Variants in LHX4 observed in about 807,000 individuals in gnomAD.
LHX4 encodes the protein LIM homeobox 4, also known as LIM/homeobox protein Lhx4.
In LHX4, 16 loss-of-function variants were observed where a neutral mutation model predicts 39.2. The ratio of observed to expected loss-of-function variants is 0.41; its 90% CI spans 0.28 to 0.62. LHX4 has a LOEUF of 0.62. Among genes scored for constraint, LHX4 ranks in the 20% least tolerant of loss-of-function variants. LHX4 has a pLI of 0.33. For missense variants in LHX4, 439 were observed against 511.9 expected (o/e 0.86, Z 1.37); for synonymous variants, 206 against 198.1 (o/e 1.04, Z -0.33).
At chr1:180,236,558 C>T (rs56028446) in intron 1 of LHX4, among the ~76,000 whole-genome samples, 23,665 of 152,162 alleles carry the variant, frequency 0.16, 2,098 homozygotes, top group Non-Finnish European at 0.2. Context: ...ACTGTTCTTT[C>T]TATTACCTTG....
chr1:180,259,646 G>A (rs1648024508), intron 2 of LHX4, among the ~76,000 whole-genome samples: 1 of 151,680 alleles, frequency 6.6e-6, no homozygotes, highest in Non-Finnish European at 1.5e-5. Context: ...TCAGTCCGGT[G>A]GGCAGGGGCT....
At chr1:180,230,174 C>G (rs373615884), upstream of LHX4, 1 of 374,986 alleles carries the variant, frequency 2.7e-6, no homozygotes, top group African/African-American at 2.1e-5. The surrounding 1 kb of genome is among the most constrained non-coding windows in gnomAD (Gnocchi z 5.8). Flanking sequence ...TCAAAACGCC[C>G]GGGTGACCGC....
chr1:180,258,725 GC>G (rs1014254628), intron 2 of LHX4, among the ~76,000 whole-genome samples: 1 of 152,064 alleles, frequency 6.6e-6, no homozygotes, highest in African/African-American at 2.4e-5. Flanking sequence ...GATCTCTTGA[GC>G]CCAGGAATTC....
intron 3 of LHX4, 44 bp from the exon 4 acceptor site, chr1:180,271,336 C>G (rs368349964): frequency 1.4e-5 from 23 of 1,611,830 alleles, no homozygotes; most frequent in Non-Finnish European, 1.9e-5. Flanking sequence ...GGCGCAGCTG[C>G]TGCAGATAGG....
chr1:180,269,924 A>G (rs1648536358), intron 3 of LHX4: 1 of 152,268 alleles, frequency 6.6e-6, no homozygotes, highest in African/African-American at 2.4e-5. Context: ...GAGTTGGGCC[A>G]CAGTAGTTCC....
chr1:180,266,689 C>T lies in LHX4; in HGVS notation c.451+95C>T, dbSNP rs1018031216. 1.6e-6 allele frequency: 2 copies of T among 1,221,918 alleles called. No individual in the cohort carries two copies. Among genetic ancestry groups the T allele is most frequent in the African/African-American group, 1.5e-5 (1 of 66,802 alleles). 75.7% of individuals were successfully genotyped at this position (1,221,918 alleles called of 1,614,324 possible). A position where few individuals can be genotyped will look rare whatever the true frequency, so the allele number is the denominator to read the frequency against. On this transcript the variant is annotated intron_variant, in intron 3 of 5. Coordinates refer to ENST00000263726, the MANE Select transcript of LHX4 (RefSeq NM_033343.4). The surrounding 1 kb of genome is among the most constrained non-coding windows in gnomAD (Gnocchi z 5.7). ...CCCTTCTCATGGCGTCCCACCTGCC[C>T]ATCCCTCAGAGCCCTACTCATGCAC... is the stretch of plus-strand genomic sequence containing the variant.
intron 2 of LHX4, among the ~76,000 whole-genome samples, chr1:180,265,682 C>T (rs755368341): frequency 1.2e-4 from 19 of 152,140 alleles, no homozygotes; most frequent in Non-Finnish European, 2.6e-4. Flanking sequence ...CTCCTTGTCC[C>T]GAATGCTGTA....
At position 180,264,424 on chromosome 1, in the gene LHX4, G is replaced by A. The variant is rs1180511837; in HGVS notation, c.249-1968G>A. ...ACACACACACACACAGTAGAGGTGG[G>A]TGCCTGCCAGCCTTCCTCTTTGATC... On this transcript the variant is annotated intron_variant, in intron 2 of 5. Coordinates refer to ENST00000263726, the MANE Select transcript of LHX4 (RefSeq NM_033343.4). Among the ~76,000 whole-genome samples the A allele has an allele frequency of 3.5e-5, 4 of 114,976 alleles. No homozygotes were observed. The East Asian group carries it at 8.1e-4, about 23-fold the overall frequency. The allele number at this position is 114,976 out of a possible 152,430, so 75.4% of individuals were successfully genotyped here.
Position 180,271,541 on chromosome 1 carries a change from T to C in LHX4, c.606+7T>C, listed in dbSNP as rs768656562. 6.2e-7 allele frequency: 1 copy of C among 1,613,898 alleles called. No homozygotes were observed. Among genetic ancestry groups the C allele is most frequent in the Non-Finnish European group, 8.5e-7 (1 of 1,179,974 alleles). On this transcript the variant is annotated splice_region_variant and intron_variant, in intron 4 of 5. Transcript: ENST00000263726. ...GGACATGAGGGTCGTACAGGTGAGA[T>C]GCCAGCACTCCTGTGCCCTCCGGGG...
chr1:180,234,207 ATATATATATATAT>A lies in LHX4; in HGVS notation c.76+3603_76+3615del, dbSNP rs1558207224. Among the ~76,000 whole-genome samples, 723 of 64,390 alleles carry A rather than the reference ATATATATATATAT, an allele frequency of 0.011. 9 individuals carry two copies. The highest frequency in any genetic ancestry group is 0.039 in the South Asian group (49 of 1,256). 42.2% of individuals were successfully genotyped at this position (64,390 alleles called of 152,430 possible). ...TATATATATATATATATATATATAT[ATATATATATATAT>A]AATAGATTGAGATTCTATCATATTC... is the stretch of plus-strand genomic sequence containing the variant. On this transcript the variant is annotated intron_variant, in intron 1 of 5. Coordinates refer to ENST00000263726, the MANE Select transcript of LHX4 (RefSeq NM_033343.4). The surrounding 1 kb of genome is among the most constrained non-coding windows in gnomAD (Gnocchi z 4.8).
At chr1:180,265,790 T>G (rs1454936538) in intron 2 of LHX4, among the ~76,000 whole-genome samples, 1 of 152,120 alleles carries the variant, frequency 6.6e-6, no homozygotes, top group African/African-American at 2.4e-5. Flanking sequence ...TTGGAGGGCT[T>G]TGTGTGTGCA....
intron 3 of LHX4, among the ~76,000 whole-genome samples, chr1:180,268,479 C>T (rs1252115100): frequency 1.3e-5 from 2 of 152,196 alleles, no homozygotes; most frequent in African/African-American, 4.8e-5. Flanking sequence ...ATGGAAGATG[C>T]CGGACTTGCT....
intron 2 of LHX4, among the ~76,000 whole-genome samples, chr1:180,260,593 A>C (rs893997501): frequency 1.3e-5 from 2 of 151,840 alleles, no homozygotes; most frequent in Non-Finnish European, 2.9e-5. Flanking sequence ...TCAGCCGAGA[A>C]GTCTCAGCTC....
upstream of LHX4, among the ~76,000 whole-genome samples, chr1:180,228,679 C>T (rs1664082096): frequency 6.6e-6 from 1 of 152,162 alleles, no homozygotes; most frequent in Non-Finnish European, 1.5e-5. Context: ...AGAGATGATG[C>T]CAACCCAGTA....
intron 1 of LHX4, among the ~76,000 whole-genome samples, chr1:180,231,841 G>C (rs753780814): frequency 1.3e-4 from 20 of 152,152 alleles, no homozygotes; most frequent in Non-Finnish European, 2.6e-4. Context: ...GTTTCTGTCC[G>C]GCGATCCTTC....
intron 2 of LHX4, among the ~76,000 whole-genome samples, chr1:180,249,934 GGTGAGTGTTGT>G (rs1647549293): frequency 1.3e-5 from 2 of 151,636 alleles, no homozygotes; most frequent in Admixed American, 1.3e-4. Context: ...AGTGTGTGTG[GGTGAGTGTTGT>G]GTGAGTGTGA....
At chr1:180,239,746 G>A (rs1432290394) in intron 1 of LHX4, among the ~76,000 whole-genome samples, 3 of 152,198 alleles carry the variant, frequency 2.0e-5, no homozygotes, top group East Asian at 1.9e-4. Flanking sequence ...ATGAATGTCC[G>A]CTTCACAGGG....
At chr1:180,242,418 CTG>C (rs1664462650) in intron 1 of LHX4, among the ~76,000 whole-genome samples, 1 of 151,972 alleles carries the variant, frequency 6.6e-6, no homozygotes, top group Non-Finnish European at 1.5e-5. Context: ...TTGTGTTTCT[CTG>C]TATGTGTATG....
In LHX4 at chr1:180,276,691, C is replaced by T. The variant is rs949152610; in HGVS notation, c.*2112C>T. On this transcript the variant is annotated 3_prime_UTR_variant, in exon 6 of 6. Coordinates refer to ENST00000263726, the MANE Select transcript of LHX4 (RefSeq NM_033343.4). ...TGCTTAAAATACACAGGAGAAAAGGCTCTGCTGGGCAATGAACCAGATGAA... is the reference window on the plus strand; with the variant it reads ...TGCTTAAAATACACAGGAGAAAAGGTTCTGCTGGGCAATGAACCAGATGAA... 1.3e-5 allele frequency: 2 copies of T among 152,278 alleles called. No individual in the cohort carries two copies. The highest frequency in any genetic ancestry group is 4.1e-4 in the South Asian group (2 of 4,822). The allele number at this position is 152,278 out of a possible 1,614,324, so 9.4% of individuals were successfully genotyped here. A position where few individuals can be genotyped will look rare whatever the true frequency, so the allele number is the denominator to read the frequency against.
Sources: gnomAD v4.1 joint callset for allele counts (sites outside exome capture counted in the v4.1 genomes callset) on GRCh38, gnomAD v4.1.1 for gene constraint, Gnocchi (gnomAD v3.1) non-coding constraint, MANE v1.5 for transcripts, NCBI Gene and HGNC (gene_info 2026-07-23, HGNC 2026-07-21) for gene names.